Variants in ILKAP observed in about 807,000 individuals in gnomAD.
ILKAP encodes ILK associated serine/threonine phosphatase.
In ILKAP, 11 loss-of-function variants were observed where a neutral mutation model predicts 49.1. That is an observed-to-expected ratio of 0.22 (90% CI 0.14 to 0.37). The LOEUF (loss-of-function observed/expected upper bound fraction) is 0.37. Among genes scored for constraint, ILKAP ranks in the 10% least tolerant of loss-of-function variants. The probability of loss-of-function intolerance (pLI) is 1.00; values close to 1 mark genes in which losing one functional copy is unlikely to be tolerated. For missense variants in ILKAP, 363 were observed against 510.8 expected (o/e 0.71, Z 2.79); for synonymous variants, 186 against 192.8 (o/e 0.96, Z 0.29).
intron 9 of ILKAP, among the ~76,000 whole-genome samples, chr2:238,178,944 C>G (rs143138867): frequency 6.6e-6 from 1 of 152,194 alleles, no homozygotes; most frequent in Non-Finnish European, 1.5e-5. Flanking sequence ...TGTGCCACCC[C>G]ACCTGGCTAA....
chr2:238,192,201 CT>C (rs1694156689), intron 3 of ILKAP, among the ~76,000 whole-genome samples: 1 of 117,956 alleles, frequency 8.5e-6, no homozygotes, highest in East Asian at 2.3e-4. Context: ...GTGAGACTGT[CT>C]TAAAAAAAAA....
rs1231947882 is a variant in ILKAP at position 238,170,630 on chromosome 2, C to T, written c.1085G>A (p.Arg362His). Residue 362 changes from arginine to histidine, a missense_variant, in exon 12 of 12, where the codon CGC becomes CAC. Physicochemically the swap from Arg to His is conservative, Grantham distance 29. Transcript: ENST00000254654. ...CAGCCTGTTGCAGGCTGCTTCGTAG[C>T]GGGCGTCGGCTGCGGACTTCCCTTC... ...TREGKSAADARYEAACNRLAN... is the reference protein window; with the variant it reads ...TREGKSAADAHYEAACNRLAN... The T allele has an allele frequency of 5.6e-6, 9 of 1,602,858 alleles. 1 individual carries two copies. The South Asian group carries it at 9.9e-5, about 18-fold the overall frequency.
chr2:238,170,891 G>T (rs1359770985), intron 11 of ILKAP, 52 bp downstream of exon 11: 2 of 1,552,780 alleles, frequency 1.3e-6, no homozygotes, highest in South Asian at 1.1e-5. Context: ...CTACTTCTCT[G>T]AAAACTAAGA....
chr2:238,192,214 A>G (rs961637587), intron 3 of ILKAP, among the ~76,000 whole-genome samples: 20 of 151,250 alleles, frequency 1.3e-4, no homozygotes, highest in Non-Finnish European at 3.0e-5. Context: ...AAAAAAAAAA[A>G]AAGAAAAAGA....
At chr2:238,193,964 C>T (rs1011600355) in intron 3 of ILKAP, among the ~76,000 whole-genome samples, 1 of 152,204 alleles carries the variant, frequency 6.6e-6, no homozygotes, top group African/African-American at 2.4e-5. Flanking sequence ...TTTAACAAGG[C>T]AAATCGGAAT....
chr2:238,178,574 C>T (rs778332619), intron 9 of ILKAP, among the ~76,000 whole-genome samples: 3 of 152,076 alleles, frequency 2.0e-5, no homozygotes, highest in Non-Finnish European at 4.4e-5. Flanking sequence ...TTAAGAGAAA[C>T]GAGCTACAAA....
In ILKAP at chr2:238,194,876, A is replaced by C; in HGVS notation, c.56-6T>G. Reference sequence around the variant, plus strand: ...TCCTTTCTGAGCTTCTTTCCCTAAAACACAGAAAACCTGTTTAGAGAGCAT... The same window carrying C: ...TCCTTTCTGAGCTTCTTTCCCTAAACCACAGAAAACCTGTTTAGAGAGCAT... On this transcript the variant is annotated splice_polypyrimidine_tract_variant and splice_region_variant and intron_variant, in intron 1 of 11. Coordinates refer to ENST00000254654, the MANE Select transcript of ILKAP (RefSeq NM_030768.3). 1 of 1,611,848 alleles carries C rather than the reference A, an allele frequency of 6.2e-7. No homozygotes were observed. The highest frequency in any genetic ancestry group is 8.5e-7 in the Non-Finnish European group (1 of 1,177,872).
chr2:238,192,496 GAA>G (rs1312605177), intron 3 of ILKAP, among the ~76,000 whole-genome samples: 1 of 151,988 alleles, frequency 6.6e-6, no homozygotes, highest in African/African-American at 2.4e-5. Context: ...TCAGGAGATG[GAA>G]ACCATCCTGG....
intron 9 of ILKAP, among the ~76,000 whole-genome samples, chr2:238,175,498 T>A (rs540021297): frequency 6.6e-6 from 1 of 152,288 alleles, no homozygotes; most frequent in African/African-American, 2.4e-5. Context: ...GAAACGCGTT[T>A]GGTAACGATG....
At chr2:238,197,626 T>C (rs1180840486) in intron 1 of ILKAP, among the ~76,000 whole-genome samples, 2 of 152,196 alleles carry the variant, frequency 1.3e-5, no homozygotes, top group African/African-American at 4.8e-5. Context: ...TTAGTATTAA[T>C]ACTAGCCTGG....
chr2:238,180,467 T>C (rs760165390), intron 9 of ILKAP, among the ~76,000 whole-genome samples: 2 of 152,256 alleles, frequency 1.3e-5, no homozygotes, highest in Non-Finnish European at 2.9e-5. Flanking sequence ...CACACATCTA[T>C]ACAGACTAAA....
chr2:238,170,503 A>G lies in ILKAP; in HGVS notation c.*33T>C. 2 of 1,569,410 alleles carry G rather than the reference A, an allele frequency of 1.3e-6. No homozygotes were observed. On this transcript the variant is annotated 3_prime_UTR_variant, in exon 12 of 12. Transcript: ENST00000254654. ...CACACAAAATGAACCTTTTAAGTCA[A>G]TACCATGCGTGCTCCTGGCCGCGCG...
At chr2:238,202,792 CCA>C (rs1362730898) in intron 1 of ILKAP, among the ~76,000 whole-genome samples, 7 of 151,828 alleles carry the variant, frequency 4.6e-5, no homozygotes, top group African/African-American at 1.7e-4. Flanking sequence ...TGAGCTCAAA[CCA>C]CAGCCCACAG....
At chr2:238,173,513 G>T in intron 10 of ILKAP, 21 bp downstream of exon 10, 1 of 1,524,796 alleles carries the variant, frequency 6.6e-7, no homozygotes, top group African/African-American at 2.0e-5. Context: ...ACACACCTGT[G>T]CCTCTTATAG....
chr2:238,172,159 C>A (rs553658551), intron 10 of ILKAP, among the ~76,000 whole-genome samples: 1 of 152,228 alleles, frequency 6.6e-6, no homozygotes, highest in African/African-American at 2.4e-5. Context: ...TCAAGTGATT[C>A]TCCTGCCTCA....
At position 238,194,513 on chromosome 2, in the gene ILKAP, C is replaced by T; in HGVS notation, c.122-182G>A. On this transcript the variant is annotated intron_variant, in intron 2 of 11. Transcript: ENST00000254654. The stretch of plus-strand genomic sequence containing the variant: ...AACCTATTTTAAAGTCCTATTATTT[C>T]AAAGGAAATAAAAATCTGCCTTAAA... 3 of 616,758 alleles carry T rather than the reference C, an allele frequency of 4.9e-6. No individual in the cohort carries two copies. In the South Asian group the frequency reaches 6.7e-5, roughly 14 times the overall value. The allele number at this position is 616,758 out of a possible 1,614,324, so 38.2% of individuals were successfully genotyped here. A position where few individuals can be genotyped will look rare whatever the true frequency, so the allele number is the denominator to read the frequency against.
rs1278310197 is a variant in ILKAP at position 238,170,617 on chromosome 2, G to A, written c.1098C>T (p.Ala366=). ...CCGCCTTGTTGGCCAGCCTGTTGCAGGCTGCTTCGTAGCGGGCGTCGGCTG... is the reference window on the plus strand; with the variant it reads ...CCGCCTTGTTGGCCAGCCTGTTGCAAGCTGCTTCGTAGCGGGCGTCGGCTG... ...KSAADARYEA[A]CNRLANKAVQ... is the part of the protein sequence containing the mutation. Residue 366 remains alanine, a synonymous_variant, in exon 12 of 12, where the codon GCC becomes GCT. Coordinates refer to ENST00000254654, the MANE Select transcript of ILKAP (RefSeq NM_030768.3). 6.2e-7 allele frequency: 1 copy of A among 1,606,526 alleles called. No homozygotes were observed. Among genetic ancestry groups the A allele is most frequent in the African/African-American group, 1.3e-5 (1 of 74,796 alleles).
rs1559297255 is a variant in ILKAP, at chr2:238,189,981, A to C, written c.179-9T>G. 2 of 1,613,548 alleles carry C rather than the reference A, an allele frequency of 1.2e-6. No individual in the cohort carries two copies. Among genetic ancestry groups the C allele is most frequent in the Admixed American group, 3.3e-5 (2 of 59,968 alleles). On this transcript the variant is annotated splice_polypyrimidine_tract_variant and intron_variant, in intron 3 of 11. Coordinates refer to ENST00000254654, the MANE Select transcript of ILKAP (RefSeq NM_030768.3). ...TGATGTGGCAAGAGAACCTGGAAAT[A>C]AAGTAAAAGCCAGACAGAAACACAG... is the stretch of plus-strand genomic sequence containing the variant.
At chr2:238,183,460 G>A (rs891946780) in intron 8 of ILKAP, among the ~76,000 whole-genome samples, 193 bp downstream of exon 8, 2 of 152,188 alleles carry the variant, frequency 1.3e-5, no homozygotes, top group African/African-American at 4.8e-5. Context: ...GTTCCCCAGA[G>A]AACAAACAGC....
Sources: gnomAD v4.1 joint callset for allele counts (sites outside exome capture counted in the v4.1 genomes callset) on GRCh38, gnomAD v4.1.1 for gene constraint, MANE v1.5 for transcripts, NCBI Gene and HGNC (gene_info 2026-07-23, HGNC 2026-07-21) for gene names.